The following PSD3 variants were observed in gnomAD, a reference collection of about 807,000 sequenced individuals.
PSD3 encodes the protein PH and SEC7 domain-containing protein 3.
A neutral mutation model predicts 105.5 loss-of-function variants in PSD3; 49 were observed. The ratio of observed to expected loss-of-function variants is 0.46; its 90% CI spans 0.37 to 0.59. The LOEUF (loss-of-function observed/expected upper bound fraction) is 0.59. PSD3 is among the 20% of genes least tolerant of loss of function. The pLI is 0.00. For missense variants in PSD3, 1,561 were observed against 1,263.8 expected (o/e 1.24, Z -3.57); for synonymous variants, 557 against 457.8 (o/e 1.22, Z -2.77).
intron 1 of PSD3, among the ~76,000 whole-genome samples, chr8:19,055,069 T>C (rs1401657309): frequency 6.6e-6 from 1 of 152,156 alleles, no homozygotes; most frequent in Non-Finnish European, 1.5e-5. Context: ...CTCTGATTCC[T>C]CTACTTGATC....
chr8:18,888,951 C>T (rs899175400), intron 2 of PSD3, among the ~76,000 whole-genome samples: 3 of 152,110 alleles, frequency 2.0e-5, no homozygotes, highest in African/African-American at 4.8e-5. Context: ...CATAAGCTAG[C>T]GGGGCAAAGC....
chr8:18,531,179 T>A lies in PSD3; in HGVS notation c.*4564A>T, dbSNP rs898114102. The A allele has an allele frequency of 6.6e-6, 1 of 152,666 alleles. No individual in the cohort carries two copies. The highest frequency in any genetic ancestry group is 2.4e-5 in the African/African-American group (1 of 41,462). 9.5% of individuals were successfully genotyped at this position (152,666 alleles called of 1,614,324 possible). A position where few individuals can be genotyped will look rare whatever the true frequency, so the allele number is the denominator to read the frequency against. On this transcript the variant is annotated 3_prime_UTR_variant, in exon 16 of 16. Coordinates refer to ENST00000327040, the MANE Select transcript of PSD3 (RefSeq NM_015310.4). ...AGATACACACACAAATTACAAAGGA[T>A]GAACCGAAGAGACTTAAGAAAACCT...
chr8:18,880,561 G>A (rs571975391), intron 2 of PSD3, among the ~76,000 whole-genome samples: 2 of 152,260 alleles, frequency 1.3e-5, no homozygotes, highest in South Asian at 2.1e-4. Flanking sequence ...AAGATGCAAG[G>A]GGTGCTGCAT....
chr8:18,779,344 G>T (rs2129445114), intron 8 of PSD3, among the ~76,000 whole-genome samples: 2 of 150,440 alleles, frequency 1.3e-5, no homozygotes, highest in East Asian at 1.9e-4. Flanking sequence ...TTTAATCTTG[G>T]TTAGTCTATC....
At chr8:18,774,681 G>A in intron 8 of PSD3, 1 of 361,068 alleles carries the variant, frequency 2.8e-6, no homozygotes, top group East Asian at 7.5e-5. Flanking sequence ...CAGATCTGGG[G>A]GCTAGTATTT....
chr8:18,761,912 G>T (rs906561742), intron 9 of PSD3, among the ~76,000 whole-genome samples: 1 of 152,178 alleles, frequency 6.6e-6, no homozygotes, highest in African/African-American at 2.4e-5. Flanking sequence ...CATACCAGAT[G>T]ATCTGGCCTA....
In PSD3 at chr8:18,970,877, G is replaced by T. The variant is rs559403583; in HGVS notation, c.22-34735C>A. On this transcript the variant is annotated intron_variant, in intron 1 of 15. Transcript: ENST00000327040. ...GGCTGTAGTCCCAACTACTTGGGAG[G>T]CTGAGACAGGAGAATCACTAGAACC... is the stretch of plus-strand genomic sequence containing the variant. 2.6e-5 allele frequency among the ~76,000 whole-genome samples: 4 copies of T among 151,910 alleles called. No individual in the cohort carries two copies. In the East Asian group the frequency reaches 5.8e-4, roughly 22 times the overall value.
chr8:18,987,548 A>G (rs1825572052), intron 1 of PSD3, among the ~76,000 whole-genome samples: 1 of 151,816 alleles, frequency 6.6e-6, no homozygotes, highest in South Asian at 2.1e-4. Flanking sequence ...CGGCCTCCCA[A>G]AAATCTCTGC....
chr8:19,076,411 G>A (rs1483019234), intron 1 of PSD3, among the ~76,000 whole-genome samples: 1 of 152,052 alleles, frequency 6.6e-6, no homozygotes, highest in Admixed American at 6.6e-5. Context: ...GGCCAGAACA[G>A]AGGAAACCGA....
intron 1 of PSD3, among the ~76,000 whole-genome samples, chr8:19,013,349 T>G (rs1458204446): frequency 6.6e-6 from 1 of 151,622 alleles, no homozygotes; most frequent in Non-Finnish European, 1.5e-5. Context: ...CCCCTAAACC[T>G]TAACACCACA....
chr8:18,593,868 A>C (rs1384205526), intron 12 of PSD3, among the ~76,000 whole-genome samples: 1 of 149,910 alleles, frequency 6.7e-6, no homozygotes, highest in East Asian at 2.0e-4. Context: ...GCAAACTATC[A>C]CAAGGACAAA....
At chr8:18,814,009 T>C (rs980693506) in intron 4 of PSD3, among the ~76,000 whole-genome samples, 2 of 152,206 alleles carry the variant, frequency 1.3e-5, no homozygotes, top group South Asian at 4.1e-4. Flanking sequence ...CAAATGTTAG[T>C]TAGCGCTCAG....
chr8:18,807,161 T>C (rs1563294465), intron 4 of PSD3, among the ~76,000 whole-genome samples: 1 of 152,212 alleles, frequency 6.6e-6, no homozygotes, highest in Non-Finnish European at 1.5e-5. Context: ...AACTGCTCCA[T>C]CTTGTCACTT....
intron 12 of PSD3, among the ~76,000 whole-genome samples, chr8:18,583,130 T>C (rs986412311): frequency 1.3e-5 from 2 of 152,086 alleles, no homozygotes; most frequent in African/African-American, 2.4e-5. Context: ...CTGACCCAGA[T>C]TGATCTTTTT....
rs1241450680 is a variant in PSD3 at position 18,533,536 on chromosome 8, C to G, written c.*2207G>C. 1 of 152,112 alleles carries G rather than the reference C, an allele frequency of 6.6e-6. No individual in the cohort carries two copies. Among genetic ancestry groups the G allele is most frequent in the African/African-American group, 2.4e-5 (1 of 41,402 alleles). The allele number at this position is 152,112 out of a possible 1,614,324, so 9.4% of individuals were successfully genotyped here. Reference sequence around the variant, plus strand: ...ACTCTAAATGTCAGAAATACTGTAGCAAGGTACCATTCAATGTATATTAAA... The same window carrying G: ...ACTCTAAATGTCAGAAATACTGTAGGAAGGTACCATTCAATGTATATTAAA... On this transcript the variant is annotated 3_prime_UTR_variant, in exon 16 of 16. Transcript: ENST00000327040.
intron 9 of PSD3, among the ~76,000 whole-genome samples, chr8:18,663,041 TACTG>T (rs1341722911): frequency 6.6e-6 from 1 of 152,164 alleles, no homozygotes; most frequent in Non-Finnish European, 1.5e-5. Context: ...TCTTCATTAT[TACTG>T]AAGAAAAATA....
At chr8:19,064,430 G>A (rs1395520) in intron 1 of PSD3, among the ~76,000 whole-genome samples, 41,852 of 151,910 alleles carry the variant, frequency 0.28, 6,895 homozygotes, top group East Asian at 0.6. Flanking sequence ...GGGTAAATGC[G>A]ATATTTTGAT....
intron 1 of PSD3, among the ~76,000 whole-genome samples, chr8:18,949,145 C>A (rs1398119839): frequency 7.1e-6 from 1 of 141,268 alleles, no homozygotes; most frequent in Non-Finnish European, 1.5e-5. Context: ...TGGCGTGAAC[C>A]CAGGAGACAG....
At chr8:18,886,939 A>G (rs1818485109) in intron 2 of PSD3, 1 of 152,138 alleles carries the variant, frequency 6.6e-6, no homozygotes, top group South Asian at 2.1e-4. Flanking sequence ...AGCTTACCGA[A>G]AACAGCCACC....
Sources: allele counts gnomAD v4.1 joint callset (sites outside exome capture counted in the v4.1 genomes callset), GRCh38; gene constraint gnomAD v4.1.1; transcripts MANE v1.5; gene names NCBI Gene and HGNC (gene_info 2026-07-23, HGNC 2026-07-21).